SHISA6: variants seen among roughly 807,000 people sequenced by gnomAD.
SHISA6 encodes the protein shisa family member 6.
Under a neutral mutation model 47.9 loss-of-function variants are expected in SHISA6, and 22 were observed. The observed-to-expected ratio is 0.46, with a 90% CI of 0.33 to 0.66. The LOEUF is 0.66. Ranked by LOEUF, SHISA6 falls within the 30% of genes least tolerant of loss-of-function variation. The pLI is 0.02. For synonymous variants in SHISA6, 388 were observed against 337.8 expected, an observed-to-expected ratio of 1.15 and a Z score of -1.63; for missense variants, 680 against 764.6, an observed-to-expected ratio of 0.89 and a Z score of 1.30.
At chr17:11,482,867 A>G (rs1304109850) in intron 3 of SHISA6, among the ~76,000 whole-genome samples, 4 of 152,216 alleles carry the variant, frequency 2.6e-5, no homozygotes, top group Non-Finnish European at 5.9e-5. Flanking sequence ...CATAAAAACT[A>G]TATAGGTTTT....
chr17:11,456,824 T>C (rs1210955702), intron 3 of SHISA6, among the ~76,000 whole-genome samples: 1 of 152,132 alleles, frequency 6.6e-6, no homozygotes, highest in Non-Finnish European at 1.5e-5. Context: ...CCCCAGAGAT[T>C]ATAGAGTGTT....
At chr17:11,389,249 G>A (rs115162068) in intron 3 of SHISA6, among the ~76,000 whole-genome samples, 19 of 152,210 alleles carry the variant, frequency 1.2e-4, no homozygotes, top group Admixed American at 2.0e-4. Flanking sequence ...GGTGGCAGGC[G>A]AAGCCACTGG....
In SHISA6 at chr17:11,345,333, C is replaced by T. The variant is rs146001857; in HGVS notation, c.800-34081C>T. 1.2e-4 allele frequency among the ~76,000 whole-genome samples: 18 copies of T among 152,114 alleles called. No homozygotes were observed. The South Asian group carries it at 1.2e-3, about 10-fold the overall frequency. On this transcript the variant is annotated intron_variant, in intron 2 of 5. Transcript: ENST00000441885. ...CCAGTAGTGGGATTGCTGAGTCATA[C>T]GATAATTCTACTTTTAGATCTGTCT...
intron 1 of SHISA6, among the ~76,000 whole-genome samples, chr17:11,257,596 G>A (rs1265774866): frequency 1.3e-5 from 2 of 151,786 alleles, no homozygotes; most frequent in Non-Finnish European, 2.9e-5. Flanking sequence ...AGGAAGCCGA[G>A]GCTGCAGCGA....
At chr17:11,428,911 A>C (rs907248619) in intron 3 of SHISA6, among the ~76,000 whole-genome samples, 4 of 151,386 alleles carry the variant, frequency 2.6e-5, no homozygotes, top group Non-Finnish European at 4.4e-5. Flanking sequence ...CAGCCTCCCA[A>C]GTAGCTGGGA....
intron 2 of SHISA6, among the ~76,000 whole-genome samples, chr17:11,269,292 G>A (rs1908552524): frequency 6.6e-6 from 1 of 152,110 alleles, no homozygotes; most frequent in African/African-American, 2.4e-5. Flanking sequence ...CACCCACCGT[G>A]GCCTCCCAAA....
intron 4 of SHISA6, among the ~76,000 whole-genome samples, 170 bp downstream of exon 4, chr17:11,552,122 A>T (rs2071936937): frequency 6.6e-6 from 1 of 152,040 alleles, no homozygotes; most frequent in Non-Finnish European, 1.5e-5. Context: ...CTCTAATCTC[A>T]CTTGTAGGCT....
intron 2 of SHISA6, among the ~76,000 whole-genome samples, chr17:11,344,110 T>C (rs556911384): frequency 6.6e-6 from 1 of 152,330 alleles, no homozygotes; most frequent in South Asian, 2.1e-4. Context: ...TGCTTATTTG[T>C]CCATTTGTGT....
At chr17:11,363,309 G>A (rs1383911351) in intron 2 of SHISA6, among the ~76,000 whole-genome samples, 10 of 151,944 alleles carry the variant, frequency 6.6e-5, no homozygotes, top group Non-Finnish European at 1.3e-4. Context: ...TTGCAGAAGA[G>A]TGACAAAGAC....
chr17:11,477,338 C>T (rs1454984593), intron 3 of SHISA6, among the ~76,000 whole-genome samples: 2 of 150,612 alleles, frequency 1.3e-5, no homozygotes, highest in Non-Finnish European at 3.0e-5. Context: ...TTTTTGTTTC[C>T]ATTTTCTTTC....
intron 3 of SHISA6, among the ~76,000 whole-genome samples, chr17:11,494,976 C>A (rs1261458306): frequency 6.6e-6 from 1 of 152,158 alleles, no homozygotes; most frequent in Non-Finnish European, 1.5e-5. Context: ...TGAGGATGAC[C>A]TACCTCCTGA....
In SHISA6 at chr17:11,562,014, C is replaced by T. The variant is rs2072048599; in HGVS notation, c.*3710C>T. The T allele has an allele frequency of 6.6e-6, 1 of 152,082 alleles. No individual in the cohort carries two copies. Among genetic ancestry groups the T allele is most frequent in the South Asian group, 2.1e-4 (1 of 4,824 alleles). The allele number at this position is 152,082 out of a possible 1,614,324, so 9.4% of individuals were successfully genotyped here. A position where few individuals can be genotyped will look rare whatever the true frequency, so the allele number is the denominator to read the frequency against. ...GCCACTAGCAAGTCCCCTGAAGCTC[C>T]CAACCCAGCCTGATGTTAGCCCAGA... On this transcript the variant is annotated 3_prime_UTR_variant, in exon 6 of 6. Transcript: ENST00000441885.
rs530970125 is a variant in SHISA6, at chr17:11,430,928, C to T, written c.895+51419C>T. Among the ~76,000 whole-genome samples, 105 of 152,340 alleles carry T rather than the reference C, an allele frequency of 6.9e-4. 1 individual carries two copies. The highest frequency in any genetic ancestry group is 8.5e-4 in the Admixed American group (13 of 15,302). ...AAAGAGGCTTAACGGAAGCAGCATCCTCACATCAGAGCAGCTTGTCACGGA... is the reference window on the plus strand; with the variant it reads ...AAAGAGGCTTAACGGAAGCAGCATCTTCACATCAGAGCAGCTTGTCACGGA... On this transcript the variant is annotated intron_variant, in intron 3 of 5. Transcript: ENST00000441885.
intron 3 of SHISA6, among the ~76,000 whole-genome samples, chr17:11,543,680 G>A (rs2071853363): frequency 6.6e-6 from 1 of 151,900 alleles, no homozygotes; most frequent in African/African-American, 2.4e-5. Context: ...AAATAAAGTA[G>A]GAGGATAAGT....
intron 1 of SHISA6, among the ~76,000 whole-genome samples, chr17:11,258,490 T>A (rs137894381): frequency 1.3e-5 from 2 of 152,224 alleles, no homozygotes; most frequent in Admixed American, 6.5e-5. Context: ...TTTGACCATC[T>A]GTTCAGCGAA....
At chr17:11,473,115 T>C (rs576947101) in intron 3 of SHISA6, among the ~76,000 whole-genome samples, 1 of 152,354 alleles carries the variant, frequency 6.6e-6, no homozygotes, top group Non-Finnish European at 1.5e-5. Context: ...TGTACTCATC[T>C]TCTCATTGTC....
Position 11,490,254 on chromosome 17 carries a change from T to C in SHISA6, c.896-61642T>C, listed in dbSNP as rs75125338. On this transcript the variant is annotated intron_variant, in intron 3 of 5. Transcript: ENST00000441885. ...GTACCCGAGAAGGTGGAGGCAAAAGTTGGGGAGAGGAGCAGAGCAGAGTGG... is the reference window on the plus strand; with the variant it reads ...GTACCCGAGAAGGTGGAGGCAAAAGCTGGGGAGAGGAGCAGAGCAGAGTGG... 7.6e-4 allele frequency among the ~76,000 whole-genome samples: 115 copies of C among 151,078 alleles called. 1 individual carries two copies. In the East Asian group the frequency reaches 0.02, roughly 26 times the overall value.
At chr17:11,437,015 T>A (rs1914960782) in intron 3 of SHISA6, among the ~76,000 whole-genome samples, 1 of 152,126 alleles carries the variant, frequency 6.6e-6, no homozygotes, top group South Asian at 2.1e-4. Context: ...GCCCATTCCC[T>A]TGAAAGCAGA....
intron 3 of SHISA6, among the ~76,000 whole-genome samples, chr17:11,467,630 A>G (rs767277235): frequency 1.8e-4 from 28 of 152,156 alleles, no homozygotes; most frequent in Non-Finnish European, 3.5e-4. Context: ...AGGCACTCTA[A>G]TAGGAAAGCC....
Sources: gnomAD v4.1 joint callset for allele counts (sites outside exome capture counted in the v4.1 genomes callset) on GRCh38, gnomAD v4.1.1 for gene constraint, MANE v1.5 for transcripts, NCBI Gene and HGNC (gene_info 2026-07-23, HGNC 2026-07-21) for gene names.